RAB3IP: variants seen among roughly 807,000 people sequenced by gnomAD.
RAB3IP encodes rab-3A-interacting protein.
In RAB3IP, 36 loss-of-function variants were observed where a neutral mutation model predicts 59.1. The observed-to-expected ratio is 0.61, with a 90% CI of 0.47 to 0.80. The LOEUF (loss-of-function observed/expected upper bound fraction) is 0.80, where lower values mean the gene tolerates loss of function less well. RAB3IP is among the 30% of genes least tolerant of loss of function. The pLI is 0.00. For missense variants in RAB3IP, 511 were observed against 536.0 expected (o/e 0.95, Z 0.46); for synonymous variants, 207 against 191.2 (o/e 1.08, Z -0.68).
intron 6 of RAB3IP, among the ~76,000 whole-genome samples, chr12:69,797,286 G>A (rs189876317): frequency 3.6e-4 from 55 of 152,132 alleles, no homozygotes; most frequent in Admixed American, 2.9e-3. Context: ...TGCAATCTCC[G>A]GCAAATTACA....
chr12:69,793,017 C>G (rs1218295157), intron 4 of RAB3IP, among the ~76,000 whole-genome samples: 1 of 152,140 alleles, frequency 6.6e-6, no homozygotes, highest in Admixed American at 6.5e-5. Flanking sequence ...CTTGAAGGGT[C>G]AGATTAGCTG....
intron 8 of RAB3IP, among the ~76,000 whole-genome samples, chr12:69,805,302 G>A (rs112070742): frequency 6.6e-6 from 1 of 152,018 alleles, no homozygotes; most frequent in Non-Finnish European, 1.5e-5. Context: ...CTGTTTGTCT[G>A]TTATTGGTGT....
intron 8 of RAB3IP, among the ~76,000 whole-genome samples, chr12:69,808,318 G>A (rs1565929489): frequency 6.6e-6 from 1 of 152,114 alleles, no homozygotes; most frequent in Non-Finnish European, 1.5e-5. Flanking sequence ...CAACTATGTG[G>A]TCAACTTTGG....
chr12:69,785,929 C>G (rs1875569032), intron 4 of RAB3IP, among the ~76,000 whole-genome samples: 5 of 152,100 alleles, frequency 3.3e-5, no homozygotes, highest in Admixed American at 3.3e-4. Flanking sequence ...AAAGTGTCTC[C>G]TTTGGGTTAA....
Position 69,812,803 on chromosome 12 carries a change from A to C in RAB3IP, c.1156A>C (p.Lys386Gln). ...AAAATGTGCTCTCACTGGCCAGAGTAAGTCCTGTAAACACAGAATTAAATT... is the reference window on the plus strand; with the variant it reads ...AAAATGTGCTCTCACTGGCCAGAGTCAGTCCTGTAAACACAGAATTAAATT... ...PKKCALTGQSKSCKHRIKLGD... is the reference protein window; with the variant it reads ...PKKCALTGQSQSCKHRIKLGD... The change falls in exon 9 of 11, where the codon AAG (lysine) becomes CAG (glutamine). Residue 386 changes from lysine (K) to glutamine (Q), a missense_variant. Physicochemically the swap from Lys to Gln is moderately conservative, Grantham distance 53. Coordinates refer to ENST00000247833, the MANE Select transcript of RAB3IP (RefSeq NM_022456.5). The C allele has an allele frequency of 6.2e-7, 1 of 1,612,714 alleles. No homozygotes were observed. Among genetic ancestry groups the C allele is most frequent in the Middle Eastern group, 1.7e-4 (1 of 6,054 alleles).
At chr12:69,814,608 A>G (rs1880911046) in intron 10 of RAB3IP, among the ~76,000 whole-genome samples, 2 of 151,844 alleles carry the variant, frequency 1.3e-5, no homozygotes, top group South Asian at 4.2e-4. Flanking sequence ...CCGAGATGGG[A>G]CAGTGAAAAA....
At chr12:69,768,091 A>C (rs774132659) in intron 3 of RAB3IP, among the ~76,000 whole-genome samples, 1 of 152,134 alleles carries the variant, frequency 6.6e-6, no homozygotes, top group Non-Finnish European at 1.5e-5. Flanking sequence ...TGGTTCCCTG[A>C]ATGTCTGCAG....
In RAB3IP at chr12:69,822,689, C is replaced by G. The variant is rs201012833; in HGVS notation, c.*7243C>G. On this transcript the variant is annotated 3_prime_UTR_variant, in exon 11 of 11. Transcript: ENST00000247833. Reference sequence around the variant, plus strand: ...GAGTGGATTTGGAATGTTCTCAACACAAATGATAAATGTTTGAGGTGATGG... The same window carrying G: ...GAGTGGATTTGGAATGTTCTCAACAGAAATGATAAATGTTTGAGGTGATGG... The G allele has an allele frequency of 6.6e-6, 1 of 152,086 alleles. No individual in the cohort carries two copies. Among genetic ancestry groups the G allele is most frequent in the Non-Finnish European group, 1.5e-5 (1 of 68,024 alleles). The allele number at this position is 152,086 out of a possible 1,614,324, so 9.4% of individuals were successfully genotyped here.
intron 1 of RAB3IP, chr12:69,739,343 C>A (rs1430723768): frequency 6.6e-6 from 1 of 152,564 alleles, no homozygotes; most frequent in Non-Finnish European, 1.5e-5. Context: ...GGCACGGGCG[C>A]GTTACACATT....
intron 3 of RAB3IP, among the ~76,000 whole-genome samples, chr12:69,784,156 A>G (rs1875233378): frequency 6.6e-6 from 1 of 152,158 alleles, no homozygotes; most frequent in Non-Finnish European, 1.5e-5. Flanking sequence ...ATATAAATGT[A>G]GAATGTGATT....
chr12:69,771,409 C>T (rs1483082955), intron 3 of RAB3IP, among the ~76,000 whole-genome samples: 1 of 151,986 alleles, frequency 6.6e-6, no homozygotes, highest in Non-Finnish European at 1.5e-5. Context: ...TGCCTGTGTT[C>T]CCAGCTACTT....
chr12:69,813,415 A>T (rs1880741885), intron 10 of RAB3IP, among the ~76,000 whole-genome samples: 2 of 152,284 alleles, frequency 1.3e-5, no homozygotes, highest in African/African-American at 2.4e-5. Context: ...ATTTTAATTG[A>T]TGGAAACCAT....
chr12:69,749,334 C>A (rs1224058263), intron 1 of RAB3IP, among the ~76,000 whole-genome samples: 1 of 152,250 alleles, frequency 6.6e-6, no homozygotes, highest in Non-Finnish European at 1.5e-5. Flanking sequence ...GGAACAGTTT[C>A]ATCCCGAAAC....
At chr12:69,757,710 A>AT (rs35735087) in intron 3 of RAB3IP, among the ~76,000 whole-genome samples, 38,606 of 152,002 alleles carry the variant, frequency 0.25, 5,689 homozygotes, top group Middle Eastern at 0.38. Context: ...TAGTATATTC[A>AT]TTTTTTTAAT....
intron 3 of RAB3IP, among the ~76,000 whole-genome samples, chr12:69,781,515 T>G (rs1874698596): frequency 7.2e-5 from 11 of 152,158 alleles, no homozygotes; most frequent in Admixed American, 7.2e-4. Context: ...AAAATCCTCT[T>G]TACTCTGCCT....
At chr12:69,811,623 A>G (rs1291891587) in intron 8 of RAB3IP, among the ~76,000 whole-genome samples, 3 of 152,194 alleles carry the variant, frequency 2.0e-5, no homozygotes, top group African/African-American at 4.8e-5. Context: ...AAATTTCTGT[A>G]TCTTCTATCC....
rs1369574062 is a variant in RAB3IP, at chr12:69,817,523, C to A, written c.*2077C>A. 6.6e-6 allele frequency: 1 copy of A among 151,600 alleles called. No individual in the cohort carries two copies. Among genetic ancestry groups the A allele is most frequent in the African/African-American group, 2.4e-5 (1 of 41,248 alleles). 9.4% of individuals were successfully genotyped at this position (151,600 alleles called of 1,614,324 possible). On this transcript the variant is annotated 3_prime_UTR_variant, in exon 11 of 11. Transcript: ENST00000247833. ...ATAAATTCTTAATTTAGAAATCGTGCATCAGTAGTTAGGCATTGTGGCTCA... is the reference window on the plus strand; with the variant it reads ...ATAAATTCTTAATTTAGAAATCGTGAATCAGTAGTTAGGCATTGTGGCTCA...
chr12:69,783,878 A>T (rs4761168), intron 3 of RAB3IP, among the ~76,000 whole-genome samples: 5,092 of 152,214 alleles, frequency 0.033, 108 homozygotes, highest in Non-Finnish European at 0.048. Context: ...ACTTAGTTTC[A>T]TTGAGATCTT....
At chr12:69,813,426 C>T (rs1880744400) in intron 10 of RAB3IP, among the ~76,000 whole-genome samples, 1 of 152,160 alleles carries the variant, frequency 6.6e-6, no homozygotes, top group South Asian at 2.1e-4. Context: ...TGGAAACCAT[C>T]ATGGAGCTCA....
Sources: allele counts gnomAD v4.1 joint callset (sites outside exome capture counted in the v4.1 genomes callset), GRCh38; gene constraint gnomAD v4.1.1; transcripts MANE v1.5; gene names NCBI Gene and HGNC (gene_info 2026-07-23, HGNC 2026-07-21).